FGF18: variants seen among roughly 807,000 people sequenced by gnomAD.
The protein encoded by FGF18 is fibroblast growth factor 18.
FGF18 carries 5 observed loss-of-function variants against 23.0 expected under a neutral mutation model. The observed-to-expected ratio is 0.22, with a 90% CI of 0.11 to 0.46. The LOEUF (loss-of-function observed/expected upper bound fraction) is 0.46. FGF18 is among the 20% of genes least tolerant of loss of function. The pLI, the probability that FGF18 is intolerant of heterozygous loss-of-function variation, is 0.99. For synonymous variants in FGF18, 117 were observed against 118.9 expected (o/e 0.98, Z 0.10); for missense variants, 180 against 291.6 (o/e 0.62, Z 2.79).
At position 171,451,950 on chromosome 5, in the gene FGF18, A is replaced by G. The variant is rs2030490977; in HGVS notation, c.357+2697A>G. The stretch of plus-strand genomic sequence containing the variant: ...TGCCTGTCTGCTAACCTGGGTTGTC[A>G]CTGTTTGTCTTTGTGCCTGCATCCT... On this transcript the variant is annotated intron_variant, in intron 4 of 4. Transcript: ENST00000274625. The surrounding 1 kb of genome is among the most constrained non-coding windows in gnomAD (Gnocchi z 4.5). Among the ~76,000 whole-genome samples, 1 of 151,934 alleles carries G rather than the reference A, an allele frequency of 6.6e-6. No individual in the cohort carries two copies. The highest frequency in any genetic ancestry group is 1.5e-5 in the Non-Finnish European group (1 of 67,962).
chr5:171,449,604 G>A (rs528612622), intron 4 of FGF18, among the ~76,000 whole-genome samples: 49 of 152,052 alleles, frequency 3.2e-4, no homozygotes, highest in South Asian at 2.3e-3. Flanking sequence ...GGGGCACCCC[G>A]GCTACATGTC....
rs1581267681 is a variant in FGF18 at position 171,420,568 on chromosome 5, T to C, written c.69+125T>C. 7 of 905,988 alleles carry C rather than the reference T, an allele frequency of 7.7e-6. No individual in the cohort carries two copies. In the East Asian group the frequency reaches 1.8e-4, roughly 24 times the overall value. 56.1% of individuals were successfully genotyped at this position (905,988 alleles called of 1,614,324 possible). On this transcript the variant is annotated intron_variant, in intron 2 of 4. Coordinates refer to ENST00000274625, the MANE Select transcript of FGF18 (RefSeq NM_003862.3). Reference sequence around the variant, plus strand: ...CTGGGCGCTGAGCCCAGTGCACCTGTTCCCAGGGCGCGGAAGGGCGGCTCC... The same window carrying C: ...CTGGGCGCTGAGCCCAGTGCACCTGCTCCCAGGGCGCGGAAGGGCGGCTCC...
At chr5:171,454,217 G>A (rs1046102513) in intron 4 of FGF18, among the ~76,000 whole-genome samples, 6 of 152,176 alleles carry the variant, frequency 3.9e-5, no homozygotes, top group Non-Finnish European at 8.8e-5. Flanking sequence ...CTTCCCAGAG[G>A]AGGCAGTTTT....
At chr5:171,447,592 A>G (rs1011467734) in intron 3 of FGF18, among the ~76,000 whole-genome samples, 15 of 152,084 alleles carry the variant, frequency 9.9e-5, no homozygotes, top group Non-Finnish European at 1.8e-4. Context: ...TCCCTCTTGG[A>G]AAGGTGGGTA....
chr5:171,442,550 C>T (rs1383999827), intron 3 of FGF18, among the ~76,000 whole-genome samples: 1 of 152,248 alleles, frequency 6.6e-6, no homozygotes, highest in Non-Finnish European at 1.5e-5. Context: ...CCCAGCCCCT[C>T]CCTGGCTCCC....
intron 3 of FGF18, among the ~76,000 whole-genome samples, chr5:171,447,628 A>C (rs967203938): frequency 6.6e-6 from 1 of 152,174 alleles, no homozygotes; most frequent in African/African-American, 2.4e-5. Flanking sequence ...TAGTGGTGTC[A>C]AAGGAGGGCT....
rs1009296961 is a variant in FGF18 at position 171,440,016 on chromosome 5, T to A, written c.250+3743T>A. 6.6e-6 allele frequency among the ~76,000 whole-genome samples: 1 copy of A among 152,220 alleles called. No homozygotes were observed. Among genetic ancestry groups the A allele is most frequent in the East Asian group, 1.9e-4 (1 of 5,188 alleles). On this transcript the variant is annotated intron_variant, in intron 3 of 4. Transcript: ENST00000274625. This position sits in a 1 kb window ranked among gnomAD's most constrained non-coding sequence, Gnocchi z 4.0. ...AGCCAGGGAGATGGTATTTGGAGGA[T>A]TGAGCTTGTCAGCTCAGGAATCTAA...
chr5:171,427,921 G>A (rs1163591726), intron 2 of FGF18, among the ~76,000 whole-genome samples: 1 of 152,150 alleles, frequency 6.6e-6, no homozygotes, highest in Non-Finnish European at 1.5e-5. Context: ...CGCTTCAGTT[G>A]GCCGTGTGAC....
intron 3 of FGF18, among the ~76,000 whole-genome samples, chr5:171,437,669 T>G (rs1057296260): frequency 6.6e-6 from 1 of 152,174 alleles, no homozygotes; most frequent in Admixed American, 6.5e-5. Context: ...CTCCCATCCC[T>G]CGTGGCCCCC....
chr5:171,449,394 TGTGTGTGAGA>T (rs1445215266), intron 4 of FGF18, 141 bp downstream of exon 4: 25 of 523,392 alleles, frequency 4.8e-5, no homozygotes, highest in East Asian at 1.1e-4. Flanking sequence ...TGTGTGTGTG[TGTGTGTGAGA>T]GAGAGAGAGA....
At chr5:171,432,700 G>A (rs1188474539) in intron 2 of FGF18, among the ~76,000 whole-genome samples, 1 of 152,206 alleles carries the variant, frequency 6.6e-6, no homozygotes, top group African/African-American at 2.4e-5. Flanking sequence ...AAAGTGCTGA[G>A]CCACTGCGAC....
At position 171,456,757 on chromosome 5, in the gene FGF18, G is replaced by A. The variant is rs781337691; in HGVS notation, c.576G>A (p.Thr192=). 9.9e-6 allele frequency: 16 copies of A among 1,613,898 alleles called. No individual in the cohort carries two copies. The highest frequency in any genetic ancestry group is 2.2e-5 in the East Asian group (1 of 44,880). The stretch of plus-strand genomic sequence containing the variant: ...AGCTTCAGAAGCCCTTCAAGTACAC[G>A]ACGGTGACCAAGAGGTCCCGTCGGA... The part of the protein sequence containing the change: ...QPELQKPFKY[T]TVTKRSRRIR... The change falls in exon 5 of 5, where the codon ACG becomes ACA. Residue 192 remains threonine, a synonymous_variant. Transcript: ENST00000274625. This position sits in a 1 kb window ranked among gnomAD's most constrained non-coding sequence, Gnocchi z 6.1.
rs1772254466 is a variant in FGF18 at position 171,436,861 on chromosome 5, G to A, written c.250+588G>A. Reference sequence around the variant, plus strand: ...CCGCTCCCCTGCCTATGCTGCCTCTGCAATGGCTGGGAGGAGTGAGACATC... The same window carrying A: ...CCGCTCCCCTGCCTATGCTGCCTCTACAATGGCTGGGAGGAGTGAGACATC... On this transcript the variant is annotated intron_variant, in intron 3 of 4. Transcript: ENST00000274625. The surrounding 1 kb of genome is among the most constrained non-coding windows in gnomAD (Gnocchi z 4.4). Among the ~76,000 whole-genome samples, 1 of 152,202 alleles carries A rather than the reference G, an allele frequency of 6.6e-6. No individual in the cohort carries two copies. The highest frequency in any genetic ancestry group is 2.4e-5 in the African/African-American group (1 of 41,440).
intron 2 of FGF18, among the ~76,000 whole-genome samples, chr5:171,435,290 A>G (rs938301004): frequency 6.6e-6 from 1 of 152,144 alleles, no homozygotes; most frequent in Non-Finnish European, 1.5e-5. Flanking sequence ...AGAGACTACC[A>G]GGGGGCGAGA....
At position 171,420,103 on chromosome 5, in the gene FGF18, C is replaced by A; in HGVS notation, c.-97C>A. 1 of 1,022,428 alleles carries A rather than the reference C, an allele frequency of 9.8e-7. No homozygotes were observed. 63.3% of individuals were successfully genotyped at this position (1,022,428 alleles called of 1,614,324 possible). Reference sequence around the variant, plus strand: ...GAGGAGGGAGCAGCAGCAGCGGCGGCGGCGGCGGCGGCGGCGGCGGAGGCG... The same window carrying A: ...GAGGAGGGAGCAGCAGCAGCGGCGGAGGCGGCGGCGGCGGCGGCGGAGGCG... On this transcript the variant is annotated 5_prime_UTR_variant, in exon 1 of 5. Transcript: ENST00000274625.
In FGF18 at chr5:171,420,098, G is replaced by A. The variant is rs984975545; in HGVS notation, c.-102G>A. ...CCGGCGAGGAGGGAGCAGCAGCAGCGGCGGCGGCGGCGGCGGCGGCGGCGG... is the reference window on the plus strand; with the variant it reads ...CCGGCGAGGAGGGAGCAGCAGCAGCAGCGGCGGCGGCGGCGGCGGCGGCGG... On this transcript the variant is annotated 5_prime_UTR_variant, in exon 1 of 5. Coordinates refer to ENST00000274625, the MANE Select transcript of FGF18 (RefSeq NM_003862.3). 1,334 of 566,942 alleles carry A rather than the reference G, an allele frequency of 2.4e-3. No individual in the cohort carries two copies. Among genetic ancestry groups the A allele is most frequent in the South Asian group, 0.012 (185 of 15,872 alleles). 35.1% of individuals were successfully genotyped at this position (566,942 alleles called of 1,614,324 possible).
chr5:171,435,030 G>C (rs576151304), intron 2 of FGF18, among the ~76,000 whole-genome samples: 1 of 152,184 alleles, frequency 6.6e-6, no homozygotes, highest in Admixed American at 6.5e-5. Flanking sequence ...CTGAGAAAGA[G>C]CATCAAAGCA....
chr5:171,440,678 G>A lies in FGF18; in HGVS notation c.250+4405G>A, dbSNP rs1772328591. Among the ~76,000 whole-genome samples the A allele has an allele frequency of 1.3e-5, 2 of 152,182 alleles. No homozygotes were observed. The highest frequency in any genetic ancestry group is 4.1e-4 in the South Asian group (2 of 4,832). On this transcript the variant is annotated intron_variant, in intron 3 of 4. Transcript: ENST00000274625. This position sits in a 1 kb window ranked among gnomAD's most constrained non-coding sequence, Gnocchi z 4.0. ...TCCCTGAGCCTCGGTTTCCCCACCT[G>A]TAATGTGGGTGGGGTAAAGGGTGTG...
At chr5:171,427,999 G>A (rs746114799) in intron 2 of FGF18, among the ~76,000 whole-genome samples, 6 of 152,174 alleles carry the variant, frequency 3.9e-5, no homozygotes, top group Non-Finnish European at 7.3e-5. Context: ...CTCCCTCCTG[G>A]GGTTGCTGAA....
Sources: allele counts gnomAD v4.1 joint callset (sites outside exome capture counted in the v4.1 genomes callset), GRCh38; gene constraint gnomAD v4.1.1; non-coding constraint Gnocchi (gnomAD v3.1); transcripts MANE v1.5; gene names NCBI Gene and HGNC (gene_info 2026-07-23, HGNC 2026-07-21).